Variants in CD44 observed in about 807,000 individuals in gnomAD.
The protein encoded by CD44 is CD44 antigen.
A neutral mutation model predicts 88.8 loss-of-function variants in CD44; 49 were observed. That is an observed-to-expected ratio of 0.55 (90% CI 0.44 to 0.70). CD44 has a LOEUF of 0.70. CD44 is among the 30% of genes least tolerant of loss of function. The pLI is 0.00. For synonymous variants in CD44, 325 were observed against 312.3 expected, an observed-to-expected ratio of 1.04 and a Z score of -0.43; for missense variants, 883 against 913.8, an observed-to-expected ratio of 0.97 and a Z score of 0.43.
chr11:35,155,971 A>G (rs1240645709), intron 1 of CD44, among the ~76,000 whole-genome samples: 5 of 152,186 alleles, frequency 3.3e-5, no homozygotes, highest in African/African-American at 7.2e-5. Flanking sequence ...TGACTTCTGC[A>G]AGGTTATGAA....
At chr11:35,206,487 A>G (rs1181940341) in intron 11 of CD44, among the ~76,000 whole-genome samples, 1 of 152,224 alleles carries the variant, frequency 6.6e-6, no homozygotes, top group Non-Finnish European at 1.5e-5. Context: ...TTGTCAAAAT[A>G]TATCTGTGTG....
chr11:35,205,678 A>T, intron 10 of CD44: 1 of 396,910 alleles, frequency 2.5e-6, no homozygotes, highest in Non-Finnish European at 3.4e-6. Context: ...GAAAGCTGTT[A>T]CCTGATTCCT....
In CD44 at chr11:35,141,722, A is replaced by G. The variant is rs530829265; in HGVS notation, c.67+2352A>G. ...CCTTTGCGCAGCATCATTTAGAGGA[A>G]GTACAATGAAGTGCCAGTAGCAATA... On this transcript the variant is annotated intron_variant, in intron 1 of 17. Transcript: ENST00000428726. Among the ~76,000 whole-genome samples, 120 of 152,310 alleles carry G rather than the reference A, an allele frequency of 7.9e-4. 1 individual carries two copies. Among genetic ancestry groups the G allele is most frequent in the South Asian group, 1.9e-3 (9 of 4,830 alleles).
intron 5 of CD44, among the ~76,000 whole-genome samples, chr11:35,195,552 T>C (rs114056133): frequency 2.1e-3 from 318 of 152,238 alleles, no homozygotes; most frequent in African/African-American, 7.2e-3. Context: ...TGGTTCATTT[T>C]TGGGCTTTCT....
chr11:35,157,967 A>G (rs1332963781), intron 1 of CD44, among the ~76,000 whole-genome samples: 3 of 152,172 alleles, frequency 2.0e-5, no homozygotes. Flanking sequence ...AAGCCTCATC[A>G]GATCATCCCC....
chr11:35,223,060 C>T (rs1268526498), intron 17 of CD44: 2 of 985,148 alleles, frequency 2.0e-6, no homozygotes, highest in African/African-American at 1.7e-5. Flanking sequence ...AATAAAAGTG[C>T]CATGTTACAG....
intron 1 of CD44, among the ~76,000 whole-genome samples, chr11:35,145,556 T>C (rs17445972): frequency 0.043 from 6,570 of 152,006 alleles, 235 homozygotes; most frequent in Admixed American, 0.11. Context: ...GGTTACTAGA[T>C]AGTTGGGCTG....
intron 6 of CD44, chr11:35,197,763 G>T: frequency 5.7e-6 from 1 of 174,442 alleles, no homozygotes; most frequent in East Asian, 1.5e-4. Context: ...TTTCCATTCT[G>T]TTCTTGATGG....
intron 16 of CD44, among the ~76,000 whole-genome samples, chr11:35,221,160 A>G (rs1236207847): frequency 6.6e-6 from 1 of 152,230 alleles, no homozygotes; most frequent in Non-Finnish European, 1.5e-5. Flanking sequence ...CTTCCATGTC[A>G]TTGAATATTT....
Position 35,198,224 on chromosome 11 carries a change from TGAA to T in CD44, c.903_905del (p.Glu301del). 1 of 1,613,986 alleles carries T rather than the reference TGAA, an allele frequency of 6.2e-7. No homozygotes were observed. Among genetic ancestry groups the T allele is most frequent in the Non-Finnish European group, 8.5e-7 (1 of 1,179,858 alleles). ...TTTCTGGATCAGGCATTGATGATGA[TGAA>T]GATTTTATCTCCAGCACCAGTAAGA... is the stretch of plus-strand genomic sequence containing the variant. On this transcript the variant is annotated inframe_deletion, in exon 7 of 18. Transcript: ENST00000428726.
chr11:35,185,163 T>G (rs1945532372), intron 3 of CD44, among the ~76,000 whole-genome samples: 1 of 152,158 alleles, frequency 6.6e-6, no homozygotes, highest in African/African-American at 2.4e-5. Context: ...GAGAGCAAGA[T>G]GCTATGTGAT....
Position 35,214,879 on chromosome 11 carries a change from G to T in CD44, c.1838G>T (p.Gly613Val). The T allele has an allele frequency of 1.9e-6, 3 of 1,562,494 alleles. No individual in the cohort carries two copies. The highest frequency in any genetic ancestry group is 1.4e-5 in the African/African-American group (1 of 72,930). Residue 613 changes from glycine to valine, a missense_variant, in exon 15 of 18, where the codon GGG (glycine) becomes GTG (valine). This residue lies in a region of CD44 where 631 missense variants were observed against 590.9 expected (regional missense o/e 1.07). Coordinates refer to ENST00000428726, the MANE Select transcript of CD44 (RefSeq NM_000610.4). The part of the protein sequence containing the change: ...SGDQDTFHPS[G>V]GSHTTHGSES... ...GACCAAGACACATTCCACCCCAGTG[G>T]GGGGTCCCATACCACTCATGGATCT...
At chr11:35,147,876 G>A (rs1226367624) in intron 1 of CD44, among the ~76,000 whole-genome samples, 1 of 152,082 alleles carries the variant, frequency 6.6e-6, no homozygotes, top group South Asian at 2.1e-4. Flanking sequence ...ATGACCTGAG[G>A]TCGGGAGTTC....
chr11:35,216,698 T>G (rs1948855889), intron 15 of CD44, among the ~76,000 whole-genome samples: 1 of 152,154 alleles, frequency 6.6e-6, no homozygotes, highest in Non-Finnish European at 1.5e-5. Context: ...AGTGTGAAAG[T>G]ACTCTGAAAA....
chr11:35,217,357 A>G (rs1390537103), intron 15 of CD44, among the ~76,000 whole-genome samples: 1 of 115,636 alleles, frequency 8.6e-6, no homozygotes. Flanking sequence ...GTCAGAAAAG[A>G]AAAAAAAAAA....
At chr11:35,181,819 A>G (rs1945052274) in intron 3 of CD44, among the ~76,000 whole-genome samples, 1 of 108,510 alleles carries the variant, frequency 9.2e-6, no homozygotes, top group African/African-American at 3.6e-5. Context: ...ATATATTTAA[A>G]TATATATTAT....
chr11:35,156,604 C>T (rs1030104585), intron 1 of CD44, among the ~76,000 whole-genome samples: 1 of 152,210 alleles, frequency 6.6e-6, no homozygotes, highest in Admixed American at 6.5e-5. Flanking sequence ...CAGTTCTCAG[C>T]TGCAGTGACA....
intron 1 of CD44, among the ~76,000 whole-genome samples, chr11:35,174,724 T>C (rs1944267403): frequency 6.6e-6 from 1 of 152,216 alleles, no homozygotes; most frequent in Non-Finnish European, 1.5e-5. Context: ...TGCCATTAAC[T>C]CTGAGAGCAA....
intron 5 of CD44, among the ~76,000 whole-genome samples, chr11:35,195,318 T>G (rs1565109228): frequency 6.6e-6 from 1 of 152,178 alleles, no homozygotes; most frequent in Non-Finnish European, 1.5e-5. Context: ...TATATGACAT[T>G]GGATAAATTA....
Sources: allele counts gnomAD v4.1 joint callset (sites outside exome capture counted in the v4.1 genomes callset), GRCh38; gene constraint gnomAD v4.1.1; regional missense constraint gnomAD v4.1.1; transcripts MANE v1.5; gene names NCBI Gene and HGNC (gene_info 2026-07-23, HGNC 2026-07-21).